Variants in PDE6B observed in about 807,000 individuals in gnomAD.
PDE6B encodes phosphodiesterase 6B.
Under a neutral mutation model 109.0 loss-of-function variants are expected in PDE6B, and 106 were observed. The ratio of observed to expected loss-of-function variants is 0.97; its 90% CI spans 0.83 to 1.14. PDE6B has a LOEUF of 1.14. PDE6B is among the 50% of genes most tolerant of loss of function. The probability of loss-of-function intolerance (pLI) is 0.00; values close to 1 mark genes in which losing one functional copy is unlikely to be tolerated. For missense variants in PDE6B, 1,193 were observed against 1,155.6 expected, an observed-to-expected ratio of 1.03 and a Z score of -0.47; for synonymous variants, 490 against 471.3, an observed-to-expected ratio of 1.04 and a Z score of -0.51.
In PDE6B at chr4:653,617, G is replaced by A. The variant is rs552462453; in HGVS notation, c.712-235G>A. ...CACTCGTCCACTCCTGAGTGATCAG[G>A]GACACGACCGCAGCCTCGAGGCCTC... On this transcript the variant is annotated intron_variant, in intron 3 of 21. Transcript: ENST00000496514. The A allele has an allele frequency of 2.8e-5, 17 of 611,426 alleles. No homozygotes were observed. The South Asian group carries it at 3.3e-4, about 12-fold the overall frequency. 37.9% of individuals were successfully genotyped at this position (611,426 alleles called of 1,614,324 possible).
rs938847143 is a variant in PDE6B at position 663,011 on chromosome 4, GAA to G, written c.1833-87_1833-86del. ...GAGGCAGACCCTGTCTCAAAAAAAA[GAA>G]AGTGGGGCCCATCTGGGGGGGCTGC... is the stretch of plus-strand genomic sequence containing the variant. On this transcript the variant is annotated intron_variant, in intron 14 of 21. Coordinates refer to ENST00000496514, the MANE Select transcript of PDE6B (RefSeq NM_000283.4). This position sits in a 1 kb window ranked among gnomAD's most constrained non-coding sequence, Gnocchi z 4.0. 9 of 803,658 alleles carry G rather than the reference GAA, an allele frequency of 1.1e-5. No homozygotes were observed. In the African/African-American group the frequency reaches 1.2e-4, roughly 11 times the overall value. The allele number at this position is 803,658 out of a possible 1,614,324, so 49.8% of individuals were successfully genotyped here.
intron 5 of PDE6B, 176 bp downstream of exon 5, chr4:654,330 G>A (rs1170459327): frequency 2.8e-6 from 2 of 710,186 alleles, no homozygotes; most frequent in Non-Finnish European, 5.1e-6. Flanking sequence ...TGCACTCCAG[G>A]GATGGGGTGT....
At chr4:659,517 A>G (rs1314923344) in intron 11 of PDE6B, among the ~76,000 whole-genome samples, 2 of 146,406 alleles carry the variant, frequency 1.4e-5, no homozygotes, top group Admixed American at 1.3e-4. Context: ...GTGTGCATGT[A>G]GGTGTGTGTG....
intron 3 of PDE6B, among the ~76,000 whole-genome samples, chr4:639,707 A>T (rs1734857519): frequency 6.6e-6 from 1 of 152,234 alleles, no homozygotes; most frequent in Non-Finnish European, 1.5e-5. Context: ...ACGGTGGCTC[A>T]TGTCTGCAAT....
chr4:647,035 T>G (rs1201204538), intron 3 of PDE6B, among the ~76,000 whole-genome samples: 1 of 151,760 alleles, frequency 6.6e-6, no homozygotes, highest in Admixed American at 6.6e-5. Flanking sequence ...ATTTTTGTAT[T>G]TTTAGTAGAG....
intron 6 of PDE6B, chr4:655,233 C>A: frequency 2.7e-6 from 1 of 374,840 alleles, no homozygotes; most frequent in Non-Finnish European, 5.1e-6. Context: ...GACCCTGGCA[C>A]CACCAGCCCC....
At position 666,787 on chromosome 4, in the gene PDE6B, T is replaced by G. The variant is rs1737853459; in HGVS notation, c.2352+173T>G. ...TGAGTGGGGCAAATGGGGAGGAACATCAGTTTCCGGACCCCCACAGGTGCC... is the reference window on the plus strand; with the variant it reads ...TGAGTGGGGCAAATGGGGAGGAACAGCAGTTTCCGGACCCCCACAGGTGCC... On this transcript the variant is annotated intron_variant, in intron 20 of 21. Coordinates refer to ENST00000496514, the MANE Select transcript of PDE6B (RefSeq NM_000283.4). The surrounding 1 kb of genome is among the most constrained non-coding windows in gnomAD (Gnocchi z 5.6). Among the ~76,000 whole-genome samples, 1 of 151,994 alleles carries G rather than the reference T, an allele frequency of 6.6e-6. No homozygotes were observed. Among genetic ancestry groups the G allele is most frequent in the Non-Finnish European group, 1.5e-5 (1 of 68,004 alleles).
Position 625,580 on chromosome 4 carries a change from T to A in PDE6B, c.-47T>A. 7.5e-7 allele frequency: 1 copy of A among 1,331,674 alleles called. No homozygotes were observed. The highest frequency in any genetic ancestry group is 1.1e-6 in the Non-Finnish European group (1 of 922,646). The allele number at this position is 1,331,674 out of a possible 1,614,324, so 82.5% of individuals were successfully genotyped here. On this transcript the variant is annotated 5_prime_UTR_variant, in exon 1 of 22. Coordinates refer to ENST00000496514, the MANE Select transcript of PDE6B (RefSeq NM_000283.4). This position sits in a 1 kb window ranked among gnomAD's most constrained non-coding sequence, Gnocchi z 5.0. ...TGCTGATGACAGGGTTTCCTGGGAG[T>A]CCATGCGTGCCTGGAGCAGCAGCGT...
chr4:626,324 G>C lies in PDE6B; in HGVS notation c.468+230G>C, dbSNP rs1369007992. ...CAAGCTGACATCGCATGGCCACTGA[G>C]TTGGTTAGACCTGAGTCTAGGAGCC... On this transcript the variant is annotated intron_variant, in intron 1 of 21. Transcript: ENST00000496514. The surrounding 1 kb of genome is among the most constrained non-coding windows in gnomAD (Gnocchi z 4.6). Among the ~76,000 whole-genome samples the C allele has an allele frequency of 6.6e-6, 1 of 152,242 alleles. No individual in the cohort carries two copies.
chr4:667,964 C>A lies in PDE6B; in HGVS notation c.2461C>A (p.Leu821Met), dbSNP rs1349825834. Residue 821 changes from leucine to methionine, a missense_variant, in exon 21 of 22, where the codon CTG becomes ATG. Coordinates refer to ENST00000496514, the MANE Select transcript of PDE6B (RefSeq NM_000283.4). ...TGAGTATGAGGCCAAAGTGAAGGCT[C>A]TGGAGGAGAAGGAGGAGGAGGAGAG... is the stretch of plus-strand genomic sequence containing the variant. ...ADEYEAKVKA[L>M]EEKEEEERVA... is the part of the protein sequence containing the mutation. 6.2e-7 allele frequency: 1 copy of A among 1,613,150 alleles called. No individual in the cohort carries two copies. The highest frequency in any genetic ancestry group is 1.3e-5 in the African/African-American group (1 of 74,964).
In PDE6B at chr4:625,637, G is replaced by A. The variant is rs369501371; in HGVS notation, c.11G>A (p.Ser4Asn). MSL[S>N]EEQARSFLDQ... ...GGACAGGCAGCCACCATGAGCCTCA[G>A]TGAGGAGCAGGCCCGGAGCTTTCTG... Residue 4 changes from serine (S) to asparagine (N), a missense_variant, in exon 1 of 22, where the codon AGT (serine) becomes AAT (asparagine). By Grantham distance (46) the Ser-to-Asn change is conservative. Coordinates refer to ENST00000496514, the MANE Select transcript of PDE6B (RefSeq NM_000283.4). This position sits in a 1 kb window ranked among gnomAD's most constrained non-coding sequence, Gnocchi z 5.0. 6.2e-6 allele frequency: 10 copies of A among 1,612,760 alleles called. No homozygotes were observed. Among genetic ancestry groups the A allele is most frequent in the East Asian group, 2.2e-5 (1 of 44,896 alleles).
Position 663,573 on chromosome 4 carries a change from G to T in PDE6B, c.1921-197G>T. On this transcript the variant is annotated intron_variant, in intron 15 of 21. Transcript: ENST00000496514. The surrounding 1 kb of genome is among the most constrained non-coding windows in gnomAD (Gnocchi z 4.0). ...TCTGAGGCCATCTGCGTCCCAAGCC[G>T]ACGATGGAGCCGCTGGTGGAGAGCT... is the stretch of plus-strand genomic sequence containing the variant. 1 of 626,746 alleles carries T rather than the reference G, an allele frequency of 1.6e-6. No individual in the cohort carries two copies. The highest frequency in any genetic ancestry group is 1.8e-5 in the South Asian group (1 of 54,158). 38.8% of individuals were successfully genotyped at this position (626,746 alleles called of 1,614,324 possible).
chr4:634,684 A>G lies in PDE6B; in HGVS notation c.476A>G (p.His159Arg). ...VNVEDVAECP[H>R]FSSFADELTD... ...TTTCCTCTCTTGCGGCAGTGCCCTC[A>G]CTTCAGCTCATTTGCTGACGAGCTC... The change falls in exon 2 of 22, where the codon CAC becomes CGC. Residue 159 changes from histidine to arginine, a missense_variant. Transcript: ENST00000496514. 2 of 1,612,676 alleles carry G rather than the reference A, an allele frequency of 1.2e-6. No homozygotes were observed. Among genetic ancestry groups the G allele is most frequent in the Non-Finnish European group, 1.7e-6 (2 of 1,178,692 alleles).
intron 21 of PDE6B, 68 bp downstream of exon 21, chr4:668,074 G>A (rs537349562): frequency 5.5e-6 from 8 of 1,447,964 alleles, no homozygotes; most frequent in Admixed American, 1.7e-5. Context: ...AAAAGACAGG[G>A]CACAGAGCAG....
intron 3 of PDE6B, among the ~76,000 whole-genome samples, chr4:637,418 A>G (rs1222937114): frequency 6.6e-6 from 1 of 151,758 alleles, no homozygotes; most frequent in African/African-American, 2.4e-5. Context: ...ACGGGGTTTC[A>G]CCATGTTGGC....
In PDE6B at chr4:634,685, C is replaced by T. The variant is rs2109133035; in HGVS notation, c.477C>T (p.His159=). The T allele has an allele frequency of 1.9e-6, 3 of 1,612,878 alleles. No individual in the cohort carries two copies. Among genetic ancestry groups the T allele is most frequent in the African/African-American group, 1.3e-5 (1 of 75,028 alleles). ...VNVEDVAECP[H]FSSFADELTD... Reference sequence around the variant, plus strand: ...TTCCTCTCTTGCGGCAGTGCCCTCACTTCAGCTCATTTGCTGACGAGCTCA... The same window carrying T: ...TTCCTCTCTTGCGGCAGTGCCCTCATTTCAGCTCATTTGCTGACGAGCTCA... The change falls in exon 2 of 22, where the codon CAC becomes CAT. Residue 159 remains histidine (H), a synonymous_variant. Coordinates refer to ENST00000496514, the MANE Select transcript of PDE6B (RefSeq NM_000283.4).
At position 663,608 on chromosome 4, in the gene PDE6B, G is replaced by A; in HGVS notation, c.1921-162G>A. ...CCGCTGGTGGAGAGCTGGGCACCCT[G>A]AGGAGGGCCCTGAGCAGCAGGCGGA... On this transcript the variant is annotated intron_variant, in intron 15 of 21. Transcript: ENST00000496514. This position sits in a 1 kb window ranked among gnomAD's most constrained non-coding sequence, Gnocchi z 4.0. 1 of 670,128 alleles carries A rather than the reference G, an allele frequency of 1.5e-6. No homozygotes were observed. The highest frequency in any genetic ancestry group is 2.2e-5 in the Admixed American group (1 of 44,818). 41.5% of individuals were successfully genotyped at this position (670,128 alleles called of 1,614,324 possible). A position where few individuals can be genotyped will look rare whatever the true frequency, so the allele number is the denominator to read the frequency against.
chr4:631,727 T>C (rs1328002809), intron 1 of PDE6B, among the ~76,000 whole-genome samples: 1 of 148,936 alleles, frequency 6.7e-6, no homozygotes, highest in Non-Finnish European at 1.5e-5. Context: ...CATCAAAGGG[T>C]CATGAGGGTC....
In PDE6B at chr4:663,298, G is replaced by T; in HGVS notation, c.1920+111G>T. 1.3e-6 allele frequency: 1 copy of T among 744,620 alleles called. No homozygotes were observed. Among genetic ancestry groups the T allele is most frequent in the Non-Finnish European group, 2.5e-6 (1 of 404,950 alleles). 46.1% of individuals were successfully genotyped at this position (744,620 alleles called of 1,614,324 possible). On this transcript the variant is annotated intron_variant, in intron 15 of 21. Coordinates refer to ENST00000496514, the MANE Select transcript of PDE6B (RefSeq NM_000283.4). The surrounding 1 kb of genome is among the most constrained non-coding windows in gnomAD (Gnocchi z 4.0). ...GTTCTGATGCAGCGGGTGAGCACTG[G>T]GTGTGTGAGCACTGGGGGAGGGCGG...
Sources: gnomAD v4.1 joint callset for allele counts (sites outside exome capture counted in the v4.1 genomes callset) on GRCh38, gnomAD v4.1.1 for gene constraint, Gnocchi (gnomAD v3.1) non-coding constraint, MANE v1.5 for transcripts, NCBI Gene and HGNC (gene_info 2026-07-23, HGNC 2026-07-21) for gene names.